The following OR51B5 variants were observed in gnomAD, a reference collection of about 807,000 sequenced individuals.
OR51B5 encodes olfactory receptor family 51 subfamily B member 5.
For missense variants in OR51B5, 456 were observed against 374.6 expected, an observed-to-expected ratio of 1.22 and a Z score of -1.79; for synonymous variants, 186 against 144.8, an observed-to-expected ratio of 1.28 and a Z score of -2.04.
rs764682180 is a variant in OR51B5 at position 5,351,734 on chromosome 11, T to A, written n.85-4824A>T. The A allele has an allele frequency of 2.2e-5, 35 of 1,613,896 alleles. No homozygotes were observed. In the Middle Eastern group the frequency reaches 6.6e-4, roughly 30 times the overall value. On this transcript the variant is annotated intron_variant and non_coding_transcript_variant, in intron 1 of 4. Transcript: ENST00000415970. The stretch of plus-strand genomic sequence containing the variant: ...GACCTCGGAGTGACATTGACCACAA[T>A]GCCCACAGTGCTAGGTGTTCTGTGG...
chr11:5,343,669 C>CAAAATACATTCTCAGG (rs1039430508), upstream of OR51B5: 1 of 534,594 alleles, frequency 1.9e-6, no homozygotes, highest in Non-Finnish European at 3.3e-6. Context: ...GATTGTTTCT[C>CAAAATACATTCTCAGG]AAAATACATT....
chr11:5,423,553 T>C (rs1459841390), intron 1 of OR51B5, among the ~76,000 whole-genome samples: 3 of 152,170 alleles, frequency 2.0e-5, no homozygotes, highest in African/African-American at 7.2e-5. Flanking sequence ...ATTTAGGCAT[T>C]TAGGTAAACA....
intron 1 of OR51B5, among the ~76,000 whole-genome samples, chr11:5,400,028 A>C (rs1235072952): frequency 6.6e-6 from 1 of 152,202 alleles, no homozygotes; most frequent in Non-Finnish European, 1.5e-5. Context: ...TAAGAAGGCT[A>C]TGTTGAGCTT....
intron 1 of OR51B5, chr11:5,403,376 G>A: frequency 2.1e-6 from 1 of 471,414 alleles, no homozygotes; most frequent in Non-Finnish European, 4.4e-6. Context: ...TGATTGGCTT[G>A]TCTATAGTGC....
At position 5,351,587 on chromosome 11, in the gene OR51B5, T is replaced by A; in HGVS notation, n.85-4677A>T. On this transcript the variant is annotated intron_variant and non_coding_transcript_variant, in intron 1 of 4. Transcript: ENST00000415970. ...GAGAAGGCACATCACTGGATATTCA[T>A]CCCATTATTGGCAGCCTACATCTCC... 5.0e-6 allele frequency: 8 copies of A among 1,614,130 alleles called. No individual in the cohort carries two copies. Among genetic ancestry groups the A allele is most frequent in the Non-Finnish European group, 6.8e-6 (8 of 1,179,988 alleles).
At chr11:5,489,021 T>G (rs1419810895) in intron 1 of OR51B5, 2 of 1,614,072 alleles carry the variant, frequency 1.2e-6, no homozygotes, top group Admixed American at 3.3e-5. Flanking sequence ...CCCAGATGTT[T>G]TGTGTCCATT....
chr11:5,405,946 A>G (rs890391033), intron 1 of OR51B5, among the ~76,000 whole-genome samples: 1 of 152,208 alleles, frequency 6.6e-6, no homozygotes, highest in Admixed American at 6.5e-5. Context: ...CACAAGAAGA[A>G]TCATTTCATC....
intron 1 of OR51B5, among the ~76,000 whole-genome samples, chr11:5,374,706 T>TG (rs1849496829): frequency 6.6e-6 from 1 of 152,078 alleles, no homozygotes; most frequent in Admixed American, 6.6e-5. Context: ...CAGGAGCTGA[T>TG]GCGATCAACT....
intron 1 of OR51B5, among the ~76,000 whole-genome samples, chr11:5,360,274 T>A (rs28817419): frequency 4.0e-5 from 6 of 151,214 alleles, no homozygotes; most frequent in Admixed American, 4.0e-4. Flanking sequence ...CCAGAATCTA[T>A]GATGAACTCA....
chr11:5,464,440 A>AC, intron 1 of OR51B5, among the ~76,000 whole-genome samples: 1 of 68,326 alleles, frequency 1.5e-5, no homozygotes, highest in South Asian at 6.6e-4. Flanking sequence ...CCTCCCCCCC[A>AC]CCCACCCCAC....
chr11:5,376,321 G>A (rs1234228513), intron 1 of OR51B5, among the ~76,000 whole-genome samples: 5 of 151,972 alleles, frequency 3.3e-5, no homozygotes, highest in Non-Finnish European at 5.9e-5. Flanking sequence ...CAGTGTGTAG[G>A]GGGAAATTTA....
chr11:5,407,254 T>C (rs1850071627), intron 1 of OR51B5, among the ~76,000 whole-genome samples: 1 of 152,294 alleles, frequency 6.6e-6, no homozygotes, highest in Admixed American at 6.5e-5. Flanking sequence ...TCTATGCCAA[T>C]TAAAAAGCAT....
chr11:5,499,996 A>G (rs1289524500), intron 1 of OR51B5, among the ~76,000 whole-genome samples: 1 of 152,228 alleles, frequency 6.6e-6, no homozygotes, highest in Non-Finnish European at 1.5e-5. Flanking sequence ...AATAGGCTCT[A>G]GAGTGCTGAT....
intron 1 of OR51B5, among the ~76,000 whole-genome samples, chr11:5,378,248 G>A (rs111571165): frequency 2.6e-5 from 4 of 152,034 alleles, no homozygotes; most frequent in Admixed American, 6.6e-5. Flanking sequence ...TGGGAGAACT[G>A]GCTAGCCATA....
At chr11:5,357,431 C>T (rs11036979) in intron 1 of OR51B5, among the ~76,000 whole-genome samples, 3 of 150,748 alleles carry the variant, frequency 2.0e-5, no homozygotes, top group South Asian at 2.1e-4. Context: ...GCTAACTATC[C>T]TAAACATATA....
Position 5,440,537 on chromosome 11 carries a change from C to A in OR51B5, n.84+65032G>T, listed in dbSNP as rs752022980. 3.4e-5 allele frequency: 51 copies of A among 1,519,100 alleles called. 1 individual carries two copies. The South Asian group carries it at 5.5e-4, about 17-fold the overall frequency. 94.1% of individuals were successfully genotyped at this position (1,519,100 alleles called of 1,614,324 possible). A position where few individuals can be genotyped will look rare whatever the true frequency, so the allele number is the denominator to read the frequency against. On this transcript the variant is annotated intron_variant and non_coding_transcript_variant, in intron 1 of 4. Transcript: ENST00000415970. ...AGTTGTTAACATGTCCCAATCCTTC[C>A]TCCAAAGGAGCTTTTGGGGCCTTCA...
chr11:5,404,766 C>T (rs567498159), intron 1 of OR51B5, among the ~76,000 whole-genome samples: 9 of 152,316 alleles, frequency 5.9e-5, no homozygotes, highest in African/African-American at 1.9e-4. Flanking sequence ...CTCCTGAAGT[C>T]AGCGAGACCA....
chr11:5,366,986 A>G (rs1444676137), intron 1 of OR51B5, among the ~76,000 whole-genome samples: 1 of 152,040 alleles, frequency 6.6e-6, no homozygotes, highest in African/African-American at 2.4e-5. Context: ...TTCCCCTCCC[A>G]AAGTTTGAAA....
intron 1 of OR51B5, among the ~76,000 whole-genome samples, chr11:5,418,898 C>G (rs1850284701): frequency 8.5e-6 from 1 of 117,188 alleles, no homozygotes; most frequent in South Asian, 2.9e-4. Flanking sequence ...AAAGCATCAT[C>G]TGGTCTCACT....
Sources: allele counts gnomAD v4.1 joint callset (sites outside exome capture counted in the v4.1 genomes callset), GRCh38; gene constraint gnomAD v4.1.1; transcripts MANE v1.5; gene names NCBI Gene and HGNC (gene_info 2026-07-23, HGNC 2026-07-21).